The following EML1 variants were observed in gnomAD, a reference collection of about 807,000 sequenced individuals.
EML1 encodes the protein EMAP like 1, also known as echinoderm microtubule-associated protein-like 1.
In EML1, 27 loss-of-function variants were observed where a neutral mutation model predicts 110.4. The observed-to-expected ratio is 0.24, with a 90% CI of 0.18 to 0.34. The LOEUF is 0.34. EML1 is among the 10% of genes least tolerant of loss of function. EML1 has a pLI of 1.00. For missense variants in EML1, 741 were observed against 1,030.9 expected, an observed-to-expected ratio of 0.72 and a Z score of 3.85; for synonymous variants, 344 against 385.8, an observed-to-expected ratio of 0.89 and a Z score of 1.27.
At chr14:99,823,296 T>C (rs2058295225) in intron 1 of EML1, among the ~76,000 whole-genome samples, 1 of 151,156 alleles carries the variant, frequency 6.6e-6, no homozygotes, top group Admixed American at 6.6e-5. Context: ...GCATCTGCCC[T>C]GCACGTGGGT....
chr14:99,911,312 T>C, intron 12 of EML1, 110 bp from the exon 13 acceptor site: 1 of 1,255,732 alleles, frequency 8.0e-7, no homozygotes, highest in South Asian at 1.7e-5. Flanking sequence ...ATTGCAATGA[T>C]GTGCTCACGG....
intron 8 of EML1, 52 bp from the exon 9 acceptor site, chr14:99,900,877 C>G: frequency 6.8e-7 from 1 of 1,471,594 alleles, no homozygotes; most frequent in Non-Finnish European, 9.5e-7. Flanking sequence ...AAGGTAAAGA[C>G]ACATGTGTAT....
At chr14:99,790,989 C>T (rs3994958), upstream of EML1, among the ~76,000 whole-genome samples, 2 of 152,028 alleles carry the variant, frequency 1.3e-5, no homozygotes, top group African/African-American at 4.8e-5. Context: ...TCCCAAATAG[C>T]TAGGACTATA....
At chr14:99,921,451 A>C (rs1244496567) in intron 17 of EML1, among the ~76,000 whole-genome samples, 1 of 152,218 alleles carries the variant, frequency 6.6e-6, no homozygotes, top group Non-Finnish European at 1.5e-5. Context: ...AGTAAAATTT[A>C]AATTAGACAT....
At chr14:99,742,627 G>A (rs527712406) in intron 1 of EML1, among the ~76,000 whole-genome samples, 3 of 152,208 alleles carry the variant, frequency 2.0e-5, no homozygotes, top group Non-Finnish European at 4.4e-5. Context: ...AGGGCCCAAA[G>A]GACATACTGT....
At chr14:99,767,956 T>A (rs1276402508), upstream of EML1, among the ~76,000 whole-genome samples, 1 of 152,218 alleles carries the variant, frequency 6.6e-6, no homozygotes, top group Non-Finnish European at 1.5e-5. Context: ...TACTCAGAGC[T>A]GGCCTCAAGA....
intron 17 of EML1, among the ~76,000 whole-genome samples, chr14:99,931,265 A>T (rs911646653): frequency 2.5e-5 from 3 of 119,170 alleles, no homozygotes; most frequent in Non-Finnish European, 5.1e-5. Flanking sequence ...TCCCCACCCC[A>T]GATCTCACTT....
At chr14:99,841,242 C>T (rs2058627615) in intron 1 of EML1, among the ~76,000 whole-genome samples, 1 of 152,200 alleles carries the variant, frequency 6.6e-6, no homozygotes, top group Admixed American at 6.5e-5. Context: ...ACAGTATTTG[C>T]AGAATTTGTT....
In EML1 at chr14:99,830,644, G is replaced by A. The variant is rs529888246; in HGVS notation, c.68-20209G>A. On this transcript the variant is annotated intron_variant, in intron 1 of 21. Coordinates refer to ENST00000262233, the MANE Select transcript of EML1 (RefSeq NM_004434.3). ...CGGCTCACTGCAACCTCCACCTCCC[G>A]GGTTCAAGCAATTCTCCTGCCTCAG... 2.6e-5 allele frequency among the ~76,000 whole-genome samples: 4 copies of A among 152,052 alleles called. No homozygotes were observed. The South Asian group carries it at 6.2e-4, about 24-fold the overall frequency.
At chr14:99,860,879 A>G (rs1405120823) in intron 2 of EML1, among the ~76,000 whole-genome samples, 1 of 151,678 alleles carries the variant, frequency 6.6e-6, no homozygotes, top group African/African-American at 2.4e-5. Context: ...CAACTTTAAT[A>G]TTCTACTTGC....
chr14:99,890,608 C>T (rs1274849374), intron 4 of EML1, among the ~76,000 whole-genome samples: 8 of 152,178 alleles, frequency 5.3e-5, no homozygotes, highest in Non-Finnish European at 1.0e-4. Context: ...GGGGTGGTCT[C>T]ACCTGCTCAT....
chr14:99,914,105 A>T, intron 13 of EML1, 74 bp from the exon 14 acceptor site: 1 of 1,547,588 alleles, frequency 6.5e-7, no homozygotes. Context: ...CATTATGATA[A>T]GTGTTTTGAA....
At position 99,917,779 on chromosome 14, in the gene EML1, T is replaced by C. The variant is rs2060058240; in HGVS notation, c.1753-3T>C. On this transcript the variant is annotated splice_polypyrimidine_tract_variant and splice_region_variant and intron_variant, in intron 15 of 21. Transcript: ENST00000262233. ...AATTTACACTTCCTTTAAAATATTT[T>C]AGGATCCAGCTCAGTCTTCTGGTTT... 6.2e-7 allele frequency: 1 copy of C among 1,614,026 alleles called. No individual in the cohort carries two copies. The highest frequency in any genetic ancestry group is 1.3e-5 in the African/African-American group (1 of 74,934).
chr14:99,816,899 T>G (rs1036969453), intron 1 of EML1, among the ~76,000 whole-genome samples: 25 of 152,212 alleles, frequency 1.6e-4, no homozygotes, highest in African/African-American at 5.8e-4. Flanking sequence ...CCAGGCTTGA[T>G]TTTGTAACAC....
intron 3 of EML1, among the ~76,000 whole-genome samples, chr14:99,870,005 G>T (rs1449340987): frequency 6.6e-6 from 1 of 152,154 alleles, no homozygotes; most frequent in Non-Finnish European, 1.5e-5. Context: ...ACCCAGCCTT[G>T]GGCATTCCTT....
chr14:99,935,559 G>T (rs1402267569), intron 17 of EML1, among the ~76,000 whole-genome samples: 1 of 151,982 alleles, frequency 6.6e-6, no homozygotes, highest in Non-Finnish European at 1.5e-5. Context: ...CGAGGCGGGC[G>T]GATCACGAGG....
At chr14:99,903,703 C>T (rs1235309985) in intron 9 of EML1, among the ~76,000 whole-genome samples, 1 of 151,876 alleles carries the variant, frequency 6.6e-6, no homozygotes, top group African/African-American at 2.4e-5. Flanking sequence ...ACTTTTATAC[C>T]AAATAAGCCA....
At chr14:99,865,676 T>C (rs371629709) in intron 3 of EML1, 30 bp downstream of exon 3, 2 of 1,607,670 alleles carry the variant, frequency 1.2e-6, no homozygotes, top group Non-Finnish European at 1.7e-6. Context: ...TTAAATGAAC[T>C]CTCAAAGCAG....
intron 3 of EML1, among the ~76,000 whole-genome samples, chr14:99,877,165 G>C (rs2059306328): frequency 6.6e-6 from 1 of 152,130 alleles, no homozygotes; most frequent in African/African-American, 2.4e-5. Flanking sequence ...TGTCTTCCAG[G>C]TTGCAGGCGG....
Sources: allele counts gnomAD v4.1 joint callset (sites outside exome capture counted in the v4.1 genomes callset), GRCh38; gene constraint gnomAD v4.1.1; transcripts MANE v1.5; gene names NCBI Gene and HGNC (gene_info 2026-07-23, HGNC 2026-07-21).